FREM1: variants seen among roughly 807,000 people sequenced by gnomAD.
FREM1 encodes the protein FRAS1 related extracellular matrix 1.
A neutral mutation model predicts 210.1 loss-of-function variants in FREM1; 220 were observed. The ratio of observed to expected loss-of-function variants is 1.05; its 90% CI spans 0.94 to 1.17. The LOEUF is 1.17. FREM1 is among the 50% of genes most tolerant of loss of function. The probability of loss-of-function intolerance (pLI) is 0.00; values close to 1 mark genes in which losing one functional copy is unlikely to be tolerated. For missense variants in FREM1, 3,454 were observed against 2,675.5 expected, an observed-to-expected ratio of 1.29 and a Z score of -6.42; for synonymous variants, 1,189 against 980.2, an observed-to-expected ratio of 1.21 and a Z score of -3.98.
chr9:14,767,213 G>A (rs547835801), intron 27 of FREM1, among the ~76,000 whole-genome samples: 8 of 152,132 alleles, frequency 5.3e-5, no homozygotes, highest in South Asian at 2.1e-4. Context: ...TGTTAGATAC[G>A]AAGTGCACAC....
intron 22 of FREM1, among the ~76,000 whole-genome samples, chr9:14,792,309 G>C (rs201990527): frequency 0.086 from 12,264 of 142,494 alleles, 601 homozygotes; most frequent in East Asian, 0.25. Context: ...CACACAGAGA[G>C]AGAGAGAGAT....
intron 16 of FREM1, among the ~76,000 whole-genome samples, 179 bp from the exon 17 acceptor site, chr9:14,808,313 C>CAA (rs1188080377): frequency 1.3e-5 from 2 of 152,080 alleles, no homozygotes; most frequent in South Asian, 4.1e-4. Flanking sequence ...GAAAATAATG[C>CAA]AAAAATTCTT....
At chr9:14,854,623 A>G (rs1014892805) in intron 5 of FREM1, among the ~76,000 whole-genome samples, 8 of 152,086 alleles carry the variant, frequency 5.3e-5, no homozygotes, top group Non-Finnish European at 1.0e-4. Context: ...CAGGAAAAGA[A>G]AGAACAAAAT....
intron 16 of FREM1, among the ~76,000 whole-genome samples, chr9:14,811,000 T>C (rs149879140): frequency 7.0e-4 from 107 of 152,268 alleles, no homozygotes; most frequent in African/African-American, 1.9e-3. Flanking sequence ...AATCAACACG[T>C]AGAAGCAAGA....
At chr9:14,754,303 T>C (rs558546808) in intron 29 of FREM1, among the ~76,000 whole-genome samples, 3 of 152,320 alleles carry the variant, frequency 2.0e-5, no homozygotes, top group African/African-American at 7.2e-5. Context: ...CCTGTACCAG[T>C]GTGGGAGTAA....
At chr9:14,826,654 C>G (rs554472401) in intron 10 of FREM1, among the ~76,000 whole-genome samples, 1 of 152,282 alleles carries the variant, frequency 6.6e-6, no homozygotes, top group African/African-American at 2.4e-5. Context: ...AACTTAATTT[C>G]CAATACAAGA....
intron 25 of FREM1, among the ~76,000 whole-genome samples, chr9:14,771,519 G>A (rs954117): frequency 0.19 from 29,437 of 152,078 alleles, 3,425 homozygotes; most frequent in Middle Eastern, 0.32. Flanking sequence ...AAAGGACCTC[G>A]TTCAGTCTGT....
intron 16 of FREM1, among the ~76,000 whole-genome samples, chr9:14,809,702 A>G (rs767616173): frequency 6.6e-6 from 1 of 152,204 alleles, no homozygotes; most frequent in South Asian, 2.1e-4. Context: ...TATTTATTCA[A>G]CACCTACTGT....
chr9:14,746,595 C>G (rs1842480730), intron 34 of FREM1, 127 bp from the exon 35 acceptor site: 3 of 707,618 alleles, frequency 4.2e-6, no homozygotes, highest in East Asian at 5.3e-5. Flanking sequence ...GGAGTCAGCC[C>G]TAATCCCAAT....
intron 10 of FREM1, among the ~76,000 whole-genome samples, chr9:14,835,136 G>A (rs1824309487): frequency 6.6e-6 from 1 of 152,210 alleles, no homozygotes; most frequent in African/African-American, 2.4e-5. Flanking sequence ...TAAGTGGACT[G>A]CACTCACAAA....
chr9:14,824,707 A>G (rs1001354540), intron 11 of FREM1, 89 bp downstream of exon 11: 3 of 868,330 alleles, frequency 3.5e-6, no homozygotes, highest in African/African-American at 3.5e-5. Flanking sequence ...AGTAAACCAC[A>G]GTACTATATA....
At chr9:14,862,901 T>C (rs1588455772) in intron 3 of FREM1, among the ~76,000 whole-genome samples, 1 of 152,284 alleles carries the variant, frequency 6.6e-6, no homozygotes. Context: ...TTTATTCCAT[T>C]TTTTGGCTGT....
chr9:14,860,556 C>CACACATATATATACACATATATAT (rs770521618), intron 3 of FREM1, among the ~76,000 whole-genome samples: 1 of 63,202 alleles, frequency 1.6e-5, no homozygotes, highest in Non-Finnish European at 3.3e-5. Flanking sequence ...CATATATATA[C>CACACATATATATACACATATATAT]ACACATATAT....
chr9:14,778,869 C>T (rs1181939910), intron 24 of FREM1, among the ~76,000 whole-genome samples: 1 of 151,582 alleles, frequency 6.6e-6, no homozygotes, highest in Non-Finnish European at 1.5e-5. Context: ...ATGGCAAAAG[C>T]CCATCTTAAA....
In FREM1 at chr9:14,823,204, A is replaced by G; in HGVS notation, c.2293T>C (p.Cys765Arg). The G allele has an allele frequency of 6.2e-7, 1 of 1,613,960 alleles. No individual in the cohort carries two copies. Among genetic ancestry groups the G allele is most frequent in the Non-Finnish European group, 8.5e-7 (1 of 1,179,828 alleles). Reference sequence around the variant, plus strand: ...ACTGGGAGGATTGTAATGTTAAAGCAGATCCCATGCAAAGTACCGCCATGT... The same window carrying G: ...ACTGGGAGGATTGTAATGTTAAAGCGGATCCCATGCAAAGTACCGCCATGT... ...NQHGGTLHGI[C>R]FNITILPVDN... The change falls in exon 13 of 37, where the codon TGC becomes CGC. Residue 765 changes from cysteine to arginine, a missense_variant. By Grantham distance (180) the Cys-to-Arg change is radical (BLOSUM62 -3). Coordinates refer to ENST00000380880, the MANE Select transcript of FREM1 (RefSeq NM_001379081.2).
At chr9:14,811,987 T>C (rs1481392044) in intron 16 of FREM1, among the ~76,000 whole-genome samples, 2 of 152,146 alleles carry the variant, frequency 1.3e-5, no homozygotes, top group Admixed American at 6.5e-5. Flanking sequence ...GCAGCATTGT[T>C]ACCAAGGAAG....
intron 10 of FREM1, among the ~76,000 whole-genome samples, chr9:14,838,573 T>G (rs1304402186): frequency 2.0e-5 from 3 of 152,138 alleles, no homozygotes; most frequent in Admixed American, 6.5e-5. Flanking sequence ...AATAAAGCTT[T>G]ACACTTATTA....
chr9:14,885,919 G>C (rs939403153), intron 1 of FREM1, among the ~76,000 whole-genome samples: 1 of 152,098 alleles, frequency 6.6e-6, no homozygotes, highest in African/African-American at 2.4e-5. Context: ...AACTATAGTA[G>C]TCATGTTGTA....
chr9:14,807,061 T>C (rs1818502928), intron 17 of FREM1, among the ~76,000 whole-genome samples: 1 of 152,180 alleles, frequency 6.6e-6, no homozygotes, highest in Admixed American at 6.5e-5. Flanking sequence ...TGGAATTATA[T>C]TTTTTTCTTG....
Sources: gnomAD v4.1 joint callset for allele counts (sites outside exome capture counted in the v4.1 genomes callset) on GRCh38, gnomAD v4.1.1 for gene constraint, MANE v1.5 for transcripts, NCBI Gene and HGNC (gene_info 2026-07-23, HGNC 2026-07-21) for gene names.